GINS3: variants seen among roughly 807,000 people sequenced by gnomAD.
GINS3 encodes DNA replication complex GINS protein PSF3.
In GINS3, 18 loss-of-function variants were observed where a neutral mutation model predicts 20.0. The observed-to-expected ratio is 0.90, with a 90% CI of 0.62 to 1.33. The LOEUF is 1.33. GINS3 is among the 40% of genes most tolerant of loss of function. The pLI is 0.00. For missense variants in GINS3, 254 were observed against 273.6 expected (o/e 0.93, Z 0.51); for synonymous variants, 109 against 107.0 (o/e 1.02, Z -0.12).
At position 58,404,529 on chromosome 16, in the gene GINS3, G is replaced by A; in HGVS notation, c.451G>A (p.Asp151Asn). The change falls in exon 3 of 3, where the codon GAC becomes AAC. Residue 151 changes from aspartate (D) to asparagine (N), a missense_variant. Physicochemically the swap from Asp to Asn is conservative, Grantham distance 23. Transcript: ENST00000318129. Reference sequence around the variant, plus strand: ...TATCGGACGTTTTCGCCGCATCATGGACTCCTCACAGAATGCTTACAACGA... The same window carrying A: ...TATCGGACGTTTTCGCCGCATCATGAACTCCTCACAGAATGCTTACAACGA... ...TFIGRFRRIM[D>N]SSQNAYNEDT... is the part of the protein sequence containing the mutation. 1 of 1,614,122 alleles carries A rather than the reference G, an allele frequency of 6.2e-7. No individual in the cohort carries two copies. The highest frequency in any genetic ancestry group is 8.5e-7 in the Non-Finnish European group (1 of 1,180,006).
chr16:58,405,967 T>A lies in GINS3; in HGVS notation c.*1238T>A, dbSNP rs757104855. On this transcript the variant is annotated 3_prime_UTR_variant, in exon 3 of 3. Coordinates refer to ENST00000318129, the MANE Select transcript of GINS3 (RefSeq NM_022770.4). ...ACCACAGAAATGCTTTTAAAATGCC[T>A]GTTTTAAGATGGAATTGTTGTTTTT... 6.6e-6 allele frequency: 1 copy of A among 152,242 alleles called. No homozygotes were observed. The highest frequency in any genetic ancestry group is 6.5e-5 in the Admixed American group (1 of 15,274). The allele number at this position is 152,242 out of a possible 1,614,324, so 9.4% of individuals were successfully genotyped here. A position where few individuals can be genotyped will look rare whatever the true frequency, so the allele number is the denominator to read the frequency against.
At chr16:58,401,501 T>G (rs183054306) in intron 1 of GINS3, among the ~76,000 whole-genome samples, 13 of 152,338 alleles carry the variant, frequency 8.5e-5, no homozygotes, top group African/African-American at 2.9e-4. Context: ...TACAGAGAGC[T>G]GATGGTTCAT....
At position 58,392,723 on chromosome 16, in the gene GINS3, C is replaced by A. The variant is rs777044261; in HGVS notation, c.122C>A (p.Pro41His). Residue 41 changes from proline (P) to histidine (H), a missense_variant, in exon 1 of 3, where the codon CCT becomes CAT. Physicochemically the swap from Pro to His is moderately conservative, Grantham distance 77. Coordinates refer to ENST00000318129, the MANE Select transcript of GINS3 (RefSeq NM_022770.4). ...KLPVRTETAM[P>H]RLGAFFLERS... ...CCGGTGCGCACGGAGACCGCCATGC[C>A]TCGCCTTGGCGCTTTCTTCCTGGAG... The A allele has an allele frequency of 2.5e-6, 4 of 1,614,048 alleles. No individual in the cohort carries two copies. Among genetic ancestry groups the A allele is most frequent in the Non-Finnish European group, 2.5e-6 (3 of 1,180,054 alleles).
chr16:58,402,997 G>A (rs1030248914), intron 1 of GINS3, 101 bp from the exon 2 acceptor site: 2 of 914,712 alleles, frequency 2.2e-6, no homozygotes, highest in African/African-American at 1.6e-5. Context: ...CCCCCAAAGA[G>A]AAAAGGCAGT....
Position 58,392,726 on chromosome 16 carries a change from G to A in GINS3, c.125G>A (p.Arg42His), listed in dbSNP as rs765651451. The change falls in exon 1 of 3, where the codon CGC (arginine) becomes CAC (histidine). Residue 42 changes from arginine to histidine, a missense_variant. Coordinates refer to ENST00000318129, the MANE Select transcript of GINS3 (RefSeq NM_022770.4). Reference sequence around the variant, plus strand: ...GTGCGCACGGAGACCGCCATGCCTCGCCTTGGCGCTTTCTTCCTGGAGCGG... The same window carrying A: ...GTGCGCACGGAGACCGCCATGCCTCACCTTGGCGCTTTCTTCCTGGAGCGG... ...LPVRTETAMP[R>H]LGAFFLERSA... The A allele has an allele frequency of 2.5e-6, 4 of 1,614,084 alleles. No homozygotes were observed. The East Asian group carries it at 6.7e-5, about 27-fold the overall frequency.
At chr16:58,394,432 C>G (rs1272749750) in intron 1 of GINS3, among the ~76,000 whole-genome samples, 1 of 152,084 alleles carries the variant, frequency 6.6e-6, no homozygotes, top group Non-Finnish European at 1.5e-5. Flanking sequence ...CTGCAGCCTC[C>G]TCCACCTCCT....
In GINS3 at chr16:58,404,231, C is replaced by T. The variant is rs912046325; in HGVS notation, c.421-268C>T. ...TGCTTCTCAAGGAGCTTGCTGTGTG[C>T]TAGCCATTTGCTAGGTGCATTACAT... is the stretch of plus-strand genomic sequence containing the variant. On this transcript the variant is annotated intron_variant, in intron 2 of 2. Transcript: ENST00000318129. 4.3e-5 allele frequency: 19 copies of T among 440,150 alleles called. No individual in the cohort carries two copies. The East Asian group carries it at 7.6e-4, about 18-fold the overall frequency. 27.3% of individuals were successfully genotyped at this position (440,150 alleles called of 1,614,324 possible). A position where few individuals can be genotyped will look rare whatever the true frequency, so the allele number is the denominator to read the frequency against.
intron 1 of GINS3, among the ~76,000 whole-genome samples, chr16:58,401,673 C>T (rs2151494790): frequency 6.6e-6 from 1 of 152,376 alleles, no homozygotes; most frequent in South Asian, 2.1e-4. Context: ...CCCCACCCAA[C>T]CCAGAAGCCC....
intron 1 of GINS3, among the ~76,000 whole-genome samples, chr16:58,396,894 C>T (rs1463230232): frequency 7.7e-5 from 11 of 143,114 alleles, no homozygotes; most frequent in African/African-American, 1.3e-4. Context: ...GGGGGGCTGA[C>T]CCCCCCACCT....
In GINS3 at chr16:58,396,770, C is replaced by T. The variant is rs1281310319; in HGVS notation, c.186+3983C>T. Among the ~76,000 whole-genome samples, 6 of 124,600 alleles carry T rather than the reference C, an allele frequency of 4.8e-5. No individual in the cohort carries two copies. The South Asian group carries it at 7.5e-4, about 16-fold the overall frequency. The allele number at this position is 124,600 out of a possible 152,430, so 81.7% of individuals were successfully genotyped here. On this transcript the variant is annotated intron_variant, in intron 1 of 2. Transcript: ENST00000318129. ...GGCTGGCCGGGCGGGGGGCTGACCC[C>T]CCCACCTCCTTCCCGGACAGGGCGG...
chr16:58,397,169 C>T (rs1171022622), intron 1 of GINS3, among the ~76,000 whole-genome samples: 5 of 149,842 alleles, frequency 3.3e-5, no homozygotes, highest in East Asian at 2.0e-4. Context: ...ACTTCTCAGA[C>T]GGGGTGGTTG....
chr16:58,401,231 T>G (rs1965950112), intron 1 of GINS3, among the ~76,000 whole-genome samples: 1 of 152,116 alleles, frequency 6.6e-6, no homozygotes, highest in Non-Finnish European at 1.5e-5. Context: ...TTCAGATGTG[T>G]CCGGAGTTTC....
In GINS3 at chr16:58,397,399, C is replaced by T. The variant is rs1487066537; in HGVS notation, c.186+4612C>T. Among the ~76,000 whole-genome samples the T allele has an allele frequency of 4.8e-5, 7 of 146,370 alleles. 1 individual carries two copies. Among genetic ancestry groups the T allele is most frequent in the Non-Finnish European group, 8.9e-5 (6 of 67,284 alleles). On this transcript the variant is annotated intron_variant, in intron 1 of 2. Transcript: ENST00000318129. ...GCAGAGAGGCTCCTCACTTCCCAGA[C>T]GGGGTGGCAGCCGGGCAGAGGCTGC...
rs1265696671 is a variant in GINS3 at position 58,392,778 on chromosome 16, G to A, written c.177G>A (p.Ala59=). Residue 59 remains alanine, a synonymous_variant, in exon 1 of 3, where the codon GCG becomes GCA. Coordinates refer to ENST00000318129, the MANE Select transcript of GINS3 (RefSeq NM_022770.4). The part of the protein sequence containing the change: ...ERSAGAETDN[A]VPQGSKLELP... Reference sequence around the variant, plus strand: ...GCGCAGGCGCCGAGACTGACAACGCGGTCCCACAGGTGAGCCTTTGGGTGC... The same window carrying A: ...GCGCAGGCGCCGAGACTGACAACGCAGTCCCACAGGTGAGCCTTTGGGTGC... 3.1e-6 allele frequency: 5 copies of A among 1,605,428 alleles called. No individual in the cohort carries two copies. Among genetic ancestry groups the A allele is most frequent in the East Asian group, 2.2e-5 (1 of 44,728 alleles).
At position 58,405,602 on chromosome 16, in the gene GINS3, A is replaced by G. The variant is rs1485009031; in HGVS notation, c.*873A>G. The G allele has an allele frequency of 6.6e-6, 1 of 152,162 alleles. No homozygotes were observed. Among genetic ancestry groups the G allele is most frequent in the Admixed American group, 6.5e-5 (1 of 15,278 alleles). 9.4% of individuals were successfully genotyped at this position (152,162 alleles called of 1,614,324 possible). On this transcript the variant is annotated 3_prime_UTR_variant, in exon 3 of 3. Transcript: ENST00000318129. ...TGACTATGAAGGGCCCTGTTTTCAAAATCTAACATTGCAAGTGTAAATGGG... is the reference window on the plus strand; with the variant it reads ...TGACTATGAAGGGCCCTGTTTTCAAGATCTAACATTGCAAGTGTAAATGGG...
At chr16:58,403,433 T>G in intron 2 of GINS3, 102 bp downstream of exon 2, 1 of 878,376 alleles carries the variant, frequency 1.1e-6, no homozygotes, top group Non-Finnish European at 1.7e-6. Flanking sequence ...AAATTTAGTC[T>G]GTTTTTATTC....
chr16:58,395,910 G>A (rs1342275110), intron 1 of GINS3, among the ~76,000 whole-genome samples: 7 of 151,574 alleles, frequency 4.6e-5, no homozygotes, highest in African/African-American at 9.7e-5. Context: ...AGGGGCGGCC[G>A]GGCAGAGGTG....
intron 1 of GINS3, among the ~76,000 whole-genome samples, chr16:58,396,506 C>T (rs543330210): frequency 0.25 from 51 of 206 alleles, 2 homozygotes; most frequent in African/African-American, 0.43. Context: ...GGGAGGCTGG[C>T]CGGGCGGGGG....
At chr16:58,402,395 T>G (rs779567225) in intron 1 of GINS3, among the ~76,000 whole-genome samples, 16 of 152,206 alleles carry the variant, frequency 1.1e-4, no homozygotes, top group Non-Finnish European at 2.4e-4. Context: ...TCTAGTCCTG[T>G]GCAGTTTGCC....
Sources: gnomAD v4.1 joint callset for allele counts (sites outside exome capture counted in the v4.1 genomes callset) on GRCh38, gnomAD v4.1.1 for gene constraint, MANE v1.5 for transcripts, NCBI Gene and HGNC (gene_info 2026-07-23, HGNC 2026-07-21) for gene names.